The following EMC3 variants were observed in gnomAD, a reference collection of about 807,000 sequenced individuals.
EMC3 encodes ER membrane protein complex subunit 3.
EMC3 carries 13 observed loss-of-function variants against 36.6 expected under a neutral mutation model. The ratio of observed to expected loss-of-function variants is 0.35; its 90% CI spans 0.23 to 0.56. The LOEUF (loss-of-function observed/expected upper bound fraction) is 0.56. Ranked by LOEUF, EMC3 falls within the 20% of genes least tolerant of loss-of-function variation. EMC3 has a pLI of 0.84. For missense variants in EMC3, 220 were observed against 324.5 expected (o/e 0.68, Z 2.47); for synonymous variants, 120 against 111.9 (o/e 1.07, Z -0.46).
chr3:9,964,212 A>AAC lies in EMC3; in HGVS notation c.658-17_658-16dup. 6.2e-7 allele frequency: 1 copy of AAC among 1,613,162 alleles called. No individual in the cohort carries two copies. Among genetic ancestry groups the AAC allele is most frequent in the Non-Finnish European group, 8.5e-7 (1 of 1,179,630 alleles). On this transcript the variant is annotated splice_polypyrimidine_tract_variant and intron_variant, in intron 7 of 7. Coordinates refer to ENST00000245046, the MANE Select transcript of EMC3 (RefSeq NM_001394674.1). ...TCCCACTCTGTCTGTAATGGAAGAG[A>AAC]ACACCCAGGCAGGAAGAGAGGGAAT...
chr3:9,963,201 T>C lies in EMC3; in HGVS notation c.*868A>G, dbSNP rs1477664242. The C allele has an allele frequency of 3.3e-5, 5 of 152,150 alleles. No homozygotes were observed. Among genetic ancestry groups the C allele is most frequent in the Admixed American group, 3.3e-4 (5 of 15,262 alleles). 9.4% of individuals were successfully genotyped at this position (152,150 alleles called of 1,614,324 possible). A position where few individuals can be genotyped will look rare whatever the true frequency, so the allele number is the denominator to read the frequency against. On this transcript the variant is annotated 3_prime_UTR_variant, in exon 8 of 8. Coordinates refer to ENST00000245046, the MANE Select transcript of EMC3 (RefSeq NM_001394674.1). ...GAATAAGGTTTTGACATATTTGGTC[T>C]CTATGTCTATGTAGGCTCAAAATGA...
intron 1 of EMC3, among the ~76,000 whole-genome samples, chr3:9,997,465 G>T (rs2086140616): frequency 6.6e-6 from 1 of 151,994 alleles, no homozygotes; most frequent in South Asian, 2.1e-4. Context: ...TTGTTGTTTT[G>T]TTTTGTTTTG....
rs943802275 is a variant in EMC3 at position 9,962,976 on chromosome 3, T to A, written c.*1093A>T. ...CAGTATAGCACCACTGATTTGTCAA[T>A]GGATTTGATAAGATTTGATACACTG... On this transcript the variant is annotated 3_prime_UTR_variant, in exon 8 of 8. Transcript: ENST00000245046. 5.3e-5 allele frequency: 8 copies of A among 152,156 alleles called. No individual in the cohort carries two copies. The highest frequency in any genetic ancestry group is 1.9e-4 in the African/African-American group (8 of 41,442). The allele number at this position is 152,156 out of a possible 1,614,324, so 9.4% of individuals were successfully genotyped here.
intron 1 of EMC3, 88 bp from the exon 2 acceptor site, chr3:9,977,534 CAA>C (rs2085862910): frequency 1.7e-6 from 2 of 1,162,608 alleles, no homozygotes; most frequent in Non-Finnish European, 1.2e-6. Context: ...TATTTAAACA[CAA>C]GAGAGGGCCT....
At chr3:9,994,727 T>A (rs1371436605) in intron 1 of EMC3, among the ~76,000 whole-genome samples, 1 of 152,138 alleles carries the variant, frequency 6.6e-6, no homozygotes, top group African/African-American at 2.4e-5. Context: ...CGTGCCACTA[T>A]GCCCAGCTAA....
chr3:10,008,083 G>T (rs1008110515), intron 1 of EMC3, among the ~76,000 whole-genome samples: 5 of 152,128 alleles, frequency 3.3e-5, no homozygotes, highest in African/African-American at 1.2e-4. Flanking sequence ...ATGCCAGTTT[G>T]TACCCCCAGA....
chr3:9,977,088 C>T lies in EMC3; in HGVS notation c.214-38G>A, dbSNP rs776482415. 18 of 1,459,798 alleles carry T rather than the reference C, an allele frequency of 1.2e-5. No homozygotes were observed. In the South Asian group the frequency reaches 1.9e-4, roughly 15 times the overall value. The allele number at this position is 1,459,798 out of a possible 1,614,324, so 90.4% of individuals were successfully genotyped here. On this transcript the variant is annotated intron_variant, in intron 2 of 7. Coordinates refer to ENST00000245046, the MANE Select transcript of EMC3 (RefSeq NM_001394674.1). ...AAAAAAAGTGTTTTAAGTCTAAGAA[C>T]TATGACACAGCAAACTGTTAAATTA...
chr3:9,989,176 A>C (rs918335868), upstream of EMC3, among the ~76,000 whole-genome samples: 1 of 152,230 alleles, frequency 6.6e-6, no homozygotes, highest in African/African-American at 2.4e-5. Flanking sequence ...ACCTGACTAG[A>C]GTAAATCAGT....
chr3:9,988,116 G>T, upstream of EMC3: 1 of 549,268 alleles, frequency 1.8e-6, no homozygotes, highest in Admixed American at 3.1e-5. Flanking sequence ...ACAAATAATG[G>T]TACTATTATG....
At chr3:9,991,415 A>C (rs936393865), upstream of EMC3, among the ~76,000 whole-genome samples, 1 of 152,184 alleles carries the variant, frequency 6.6e-6, no homozygotes, top group Non-Finnish European at 1.5e-5. Context: ...TTCATATACA[A>C]GCTGTAATTG....
upstream of EMC3, chr3:9,988,758 T>G: frequency 6.9e-7 from 1 of 1,444,196 alleles, no homozygotes; most frequent in South Asian, 1.2e-5. Context: ...GTAATGTTCA[T>G]GTACTATGCA....
At chr3:9,966,185 T>A (rs1481143334) in intron 7 of EMC3, among the ~76,000 whole-genome samples, 4 of 152,078 alleles carry the variant, frequency 2.6e-5, no homozygotes, top group African/African-American at 4.8e-5. Context: ...TCTTTTTTTT[T>A]ATTAATTATA....
intron 1 of EMC3, among the ~76,000 whole-genome samples, chr3:9,999,367 G>A (rs575983295): frequency 1.7e-3 from 260 of 151,436 alleles, no homozygotes; most frequent in Non-Finnish European, 2.7e-3. Flanking sequence ...TCAGCCTCCC[G>A]TGTAGCTGGG....
chr3:9,997,322 G>A lies in EMC3; in HGVS notation c.-241-10420C>T, dbSNP rs531851499. The stretch of plus-strand genomic sequence containing the variant: ...CCTGACCTCGTGATCTACCCGCCTC[G>A]CCCTCCCAAAGTCCTGGGATTACAG... On this transcript the variant is annotated intron_variant, in intron 1 of 8. Transcript: ENST00000470827. Among the ~76,000 whole-genome samples the A allele has an allele frequency of 6.6e-5, 10 of 151,276 alleles. No homozygotes were observed. The East Asian group carries it at 7.8e-4, about 12-fold the overall frequency.
Position 9,986,831 on chromosome 3 carries a change from G to C in EMC3, c.-170C>G. 7.2e-7 allele frequency: 1 copy of C among 1,397,978 alleles called. No individual in the cohort carries two copies. Among genetic ancestry groups the C allele is most frequent in the Non-Finnish European group, 9.3e-7 (1 of 1,073,630 alleles). 86.6% of individuals were successfully genotyped at this position (1,397,978 alleles called of 1,614,324 possible). On this transcript the variant is annotated 5_prime_UTR_variant, in exon 1 of 8. Transcript: ENST00000245046. Reference sequence around the variant, plus strand: ...TTACTGCCTTCAGCTGGGCTGCCTGGTCTTCCACTTCCGGCGCGAACGTTG... The same window carrying C: ...TTACTGCCTTCAGCTGGGCTGCCTGCTCTTCCACTTCCGGCGCGAACGTTG...
intron 1 of EMC3, among the ~76,000 whole-genome samples, chr3:9,977,661 G>A (rs1293724404): frequency 1.3e-5 from 2 of 152,158 alleles, no homozygotes; most frequent in Non-Finnish European, 2.9e-5. Context: ...AAAAGTGACT[G>A]TGTTTCTGAA....
Position 9,973,712 on chromosome 3 carries a change from G to A in EMC3, c.413-3C>T, listed in dbSNP as rs764606865. ...GGTCAGTGGAAATGGGACCTTGGCT[G>A]CAGAGAAGAAAAAGTTCACAATCAC... On this transcript the variant is annotated splice_polypyrimidine_tract_variant and splice_region_variant and intron_variant, in intron 4 of 7. Coordinates refer to ENST00000245046, the MANE Select transcript of EMC3 (RefSeq NM_001394674.1). The A allele has an allele frequency of 2.9e-5, 47 of 1,613,566 alleles. 1 individual carries two copies. The South Asian group carries it at 4.0e-4, about 14-fold the overall frequency.
chr3:10,008,508 G>T, intron 1 of EMC3: 1 of 1,364,472 alleles, frequency 7.3e-7, no homozygotes, highest in Non-Finnish European at 9.8e-7. Flanking sequence ...GACAGCCATG[G>T]AGGGTGGGGA....
At chr3:9,970,009 G>C (rs908493646) in intron 6 of EMC3, among the ~76,000 whole-genome samples, 2 of 152,170 alleles carry the variant, frequency 1.3e-5, no homozygotes, top group Non-Finnish European at 2.9e-5. Context: ...ATCACTAAAG[G>C]AAGCTCTAAA....
Sources: allele counts gnomAD v4.1 joint callset (sites outside exome capture counted in the v4.1 genomes callset), GRCh38; gene constraint gnomAD v4.1.1; transcripts MANE v1.5; gene names NCBI Gene and HGNC (gene_info 2026-07-23, HGNC 2026-07-21).